Variants in NAV2 observed in about 807,000 individuals in gnomAD.
NAV2 encodes helicase, APC down-regulated 1.
NAV2 carries 54 observed loss-of-function variants against 223.2 expected under a neutral mutation model. The ratio of observed to expected loss-of-function variants is 0.24; its 90% CI spans 0.19 to 0.30. NAV2 has a LOEUF of 0.30. NAV2 is among the 10% of genes least tolerant of loss of function. The probability of loss-of-function intolerance (pLI) is 1.00; values close to 1 mark genes in which losing one functional copy is unlikely to be tolerated. For synonymous variants in NAV2, 1,279 were observed against 1,239.3 expected (o/e 1.03, Z -0.67); for missense variants, 2,806 against 3,147.5 (o/e 0.89, Z 2.60).
chr11:19,424,111 G>C (rs192571067), intron 1 of NAV2, among the ~76,000 whole-genome samples: 1 of 152,164 alleles, frequency 6.6e-6, no homozygotes, highest in Admixed American at 6.5e-5. Flanking sequence ...AGCTGCTTTG[G>C]CAGGGAAATT....
chr11:19,879,534 C>G (rs1185942622), intron 4 of NAV2, among the ~76,000 whole-genome samples: 1 of 152,114 alleles, frequency 6.6e-6, no homozygotes, highest in African/African-American at 2.4e-5. Flanking sequence ...ATGAGCTTCC[C>G]CCAGTGCCAG....
intron 1 of NAV2, among the ~76,000 whole-genome samples, chr11:19,627,787 C>T (rs1258717988): frequency 2.6e-5 from 4 of 151,842 alleles, no homozygotes; most frequent in South Asian, 2.1e-4. Context: ...AGGGTTGGGC[C>T]CCGCCTGCAA....
At chr11:19,381,433 T>C (rs1848832987) in intron 1 of NAV2, among the ~76,000 whole-genome samples, 1 of 152,202 alleles carries the variant, frequency 6.6e-6, no homozygotes, top group Admixed American at 6.5e-5. Context: ...TGGTAAAATA[T>C]AGTCCAGGTG....
At chr11:19,704,738 C>T (rs1360682234) in intron 1 of NAV2, among the ~76,000 whole-genome samples, 21 of 152,190 alleles carry the variant, frequency 1.4e-4, no homozygotes, top group African/African-American at 4.8e-4. Context: ...AGAGGCCGGG[C>T]GCGGTGGCTC....
At position 19,991,815 on chromosome 11, in the gene NAV2, TTTTGTC is replaced by T. The variant is rs1183627772; in HGVS notation, c.2768+7571_2768+7576del. Among the ~76,000 whole-genome samples, 29 of 152,302 alleles carry T rather than the reference TTTTGTC, an allele frequency of 1.9e-4. 1 individual carries two copies. The highest frequency in any genetic ancestry group is 5.9e-5 in the Non-Finnish European group (4 of 68,024). On this transcript the variant is annotated intron_variant, in intron 11 of 37. Transcript: ENST00000349880. ...TTCCTTCATGACTTCTCTCGTATTA[TTTTGTC>T]TTCATCTTTTCTTGCTAGGGTCAAT...
intron 3 of NAV2, among the ~76,000 whole-genome samples, chr11:19,854,590 C>T (rs1818229043): frequency 6.6e-6 from 1 of 152,106 alleles, no homozygotes; most frequent in Non-Finnish European, 1.5e-5. Flanking sequence ...TTATACCTAA[C>T]CCGTTTTACT....
intron 1 of NAV2, among the ~76,000 whole-genome samples, chr11:19,756,106 C>G (rs1485622752): frequency 6.6e-6 from 1 of 152,156 alleles, no homozygotes; most frequent in African/African-American, 2.4e-5. Context: ...TCCTGTACAG[C>G]TCTTGTTCTA....
At chr11:19,706,767 C>T (rs1360730683) in intron 1 of NAV2, among the ~76,000 whole-genome samples, 2 of 152,154 alleles carry the variant, frequency 1.3e-5, no homozygotes, top group Non-Finnish European at 2.9e-5. Context: ...GGTTTGCTAC[C>T]TGCAGTCATG....
At chr11:19,636,746 A>G (rs916117716) in intron 1 of NAV2, among the ~76,000 whole-genome samples, 1 of 152,154 alleles carries the variant, frequency 6.6e-6, no homozygotes, top group Non-Finnish European at 1.5e-5. Context: ...CTGGGATTAT[A>G]GGCGTGAGCC....
At chr11:19,474,003 C>G (rs1233896781) in intron 1 of NAV2, among the ~76,000 whole-genome samples, 1 of 152,248 alleles carries the variant, frequency 6.6e-6, no homozygotes, top group Non-Finnish European at 1.5e-5. Flanking sequence ...TGCAGGCCCA[C>G]TATTCCTTCT....
At chr11:19,899,264 C>G (rs1227591038) in intron 6 of NAV2, among the ~76,000 whole-genome samples, 1 of 152,156 alleles carries the variant, frequency 6.6e-6, no homozygotes, top group Non-Finnish European at 1.5e-5. Flanking sequence ...ACCTTCAGCA[C>G]TATGTCATGT....
At chr11:19,445,030 A>G (rs1198309734) in intron 1 of NAV2, among the ~76,000 whole-genome samples, 3 of 152,186 alleles carry the variant, frequency 2.0e-5, no homozygotes, top group African/African-American at 7.2e-5. Context: ...TGCCATCATC[A>G]TCTCCATCTT....
At chr11:19,534,884 C>T (rs1217502295) in intron 1 of NAV2, among the ~76,000 whole-genome samples, 1 of 152,222 alleles carries the variant, frequency 6.6e-6, no homozygotes, top group Non-Finnish European at 1.5e-5. Flanking sequence ...CACTCTGCCA[C>T]TTGTGCACTG....
At chr11:19,786,025 T>C (rs1450957149) in intron 1 of NAV2, among the ~76,000 whole-genome samples, 1 of 152,174 alleles carries the variant, frequency 6.6e-6, no homozygotes, top group Non-Finnish European at 1.5e-5. Flanking sequence ...TAGACCTTCT[T>C]AGATAGCCAA....
chr11:19,867,232 G>A (rs75445160), intron 3 of NAV2, among the ~76,000 whole-genome samples: 1 of 152,156 alleles, frequency 6.6e-6, no homozygotes, highest in African/African-American at 2.4e-5. Flanking sequence ...CCAGTATTGT[G>A]TTTACTTTCC....
chr11:19,432,548 C>T (rs1464848961), intron 1 of NAV2, among the ~76,000 whole-genome samples: 1 of 152,142 alleles, frequency 6.6e-6, no homozygotes, highest in Non-Finnish European at 1.5e-5. Context: ...AGCCAAAAGG[C>T]GTCATGGACA....
chr11:19,754,402 G>A (rs532170890), intron 1 of NAV2, among the ~76,000 whole-genome samples: 29 of 152,202 alleles, frequency 1.9e-4, no homozygotes, highest in Non-Finnish European at 3.2e-4. Context: ...GCAGGAGGCA[G>A]CTGATTCTTG....
rs992196150 is a variant in NAV2 at position 19,991,991 on chromosome 11, C to T, written c.2768+7744C>T. Among the ~76,000 whole-genome samples the T allele has an allele frequency of 2.6e-5, 4 of 152,164 alleles. No homozygotes were observed. The East Asian group carries it at 5.8e-4, about 22-fold the overall frequency. ...ACTATTAGTGCCCCTGAGCATTTTTCAGTCCTGCATTCAAGAGTTATACTC... is the reference window on the plus strand; with the variant it reads ...ACTATTAGTGCCCCTGAGCATTTTTTAGTCCTGCATTCAAGAGTTATACTC... On this transcript the variant is annotated intron_variant, in intron 11 of 37. Transcript: ENST00000349880.
At chr11:20,027,301 G>A (rs996316510) in intron 11 of NAV2, 36 of 979,274 alleles carry the variant, frequency 3.7e-5, no homozygotes, top group South Asian at 2.4e-4. Flanking sequence ...CGTTCCGCTC[G>A]GGCCCCGGGG....
Sources: allele counts gnomAD v4.1 joint callset (sites outside exome capture counted in the v4.1 genomes callset), GRCh38; gene constraint gnomAD v4.1.1; transcripts MANE v1.5; gene names NCBI Gene and HGNC (gene_info 2026-07-23, HGNC 2026-07-21).